The following KIF5C variants were observed in gnomAD, a reference collection of about 807,000 sequenced individuals.
The protein encoded by KIF5C is kinesin family member 5C.
A neutral mutation model predicts 125.2 loss-of-function variants in KIF5C; 18 were observed. The ratio of observed to expected loss-of-function variants is 0.14; its 90% CI spans 0.10 to 0.21. KIF5C has a LOEUF of 0.21. KIF5C is among the 10% of genes least tolerant of loss of function. The pLI, the probability that KIF5C is intolerant of heterozygous loss-of-function variation, is 1.00. For missense variants in KIF5C, 780 were observed against 1,183.8 expected, an observed-to-expected ratio of 0.66 and a Z score of 5.01; for synonymous variants, 405 against 434.0, an observed-to-expected ratio of 0.93 and a Z score of 0.83.
intron 10 of KIF5C, among the ~76,000 whole-genome samples, chr2:148,959,872 T>C (rs1351787735): frequency 6.6e-6 from 1 of 152,214 alleles, no homozygotes; most frequent in Admixed American, 6.5e-5. Context: ...TTGGGTTGGC[T>C]GTGTCCCTAC....
chr2:148,914,425 T>G (rs1158872783), intron 1 of KIF5C, among the ~76,000 whole-genome samples: 4 of 152,282 alleles, frequency 2.6e-5, no homozygotes, highest in African/African-American at 4.8e-5. Context: ...TTCTTCATTA[T>G]CACTCGGGCA....
At chr2:148,937,480 C>A in intron 4 of KIF5C, 92 bp downstream of exon 4, 2 of 1,449,542 alleles carry the variant, frequency 1.4e-6, no homozygotes, top group Non-Finnish European at 1.8e-6. Flanking sequence ...AAAAGATGAT[C>A]CTACTAATTT....
At chr2:149,001,956 C>T (rs1681863024) in intron 21 of KIF5C, among the ~76,000 whole-genome samples, 1 of 152,168 alleles carries the variant, frequency 6.6e-6, no homozygotes, top group Non-Finnish European at 1.5e-5. Flanking sequence ...TTTGTTGGAC[C>T]TCAAAGCCAG....
chr2:149,000,430 C>G lies in KIF5C; in HGVS notation c.2218C>G (p.Gln740Glu). The change falls in exon 20 of 26, where the codon CAG (glutamine) becomes GAG (glutamate). Residue 740 changes from glutamine (Q) to glutamate (E), a missense_variant. Coordinates refer to ENST00000435030, the MANE Select transcript of KIF5C (RefSeq NM_004522.3). ...TTTTCCTCTCAATTTCAGTTTGAAT[C>G]AGAAACTGCAACTGGAACAGGAGAA... is the stretch of plus-strand genomic sequence containing the variant. ...KIIDEIRDLN[Q>E]KLQLEQEKLS... 6.3e-7 allele frequency: 1 copy of G among 1,579,660 alleles called. No homozygotes were observed. The highest frequency in any genetic ancestry group is 8.6e-7 in the Non-Finnish European group (1 of 1,158,616).
intron 1 of KIF5C, among the ~76,000 whole-genome samples, chr2:148,887,784 T>C (rs1357053680): frequency 1.3e-5 from 2 of 152,046 alleles, no homozygotes; most frequent in Non-Finnish European, 2.9e-5. Context: ...TAGTACCCAG[T>C]AGGTAGTTTT....
At chr2:148,895,427 C>T (rs1162031848) in intron 1 of KIF5C, among the ~76,000 whole-genome samples, 3 of 152,114 alleles carry the variant, frequency 2.0e-5, no homozygotes, top group Non-Finnish European at 2.9e-5. Flanking sequence ...TGTGAGCCAC[C>T]GCACTTGGCC....
intron 1 of KIF5C, among the ~76,000 whole-genome samples, chr2:148,881,726 A>G (rs1681363522): frequency 6.9e-6 from 1 of 145,580 alleles, no homozygotes; most frequent in Non-Finnish European, 1.5e-5. Flanking sequence ...CCTCTAAATC[A>G]TCGTGGTGAT....
rs79639841 is a variant in KIF5C at position 148,959,155 on chromosome 2, T to C, written c.969-2816T>C. Reference sequence around the variant, plus strand: ...AGTTCCACTTCCCCTCAGTGCCATGTATTGAAAGGACTGCCCTTTCCACTC... The same window carrying C: ...AGTTCCACTTCCCCTCAGTGCCATGCATTGAAAGGACTGCCCTTTCCACTC... On this transcript the variant is annotated intron_variant, in intron 10 of 25. Transcript: ENST00000435030. Among the ~76,000 whole-genome samples, 1,065 of 152,340 alleles carry C rather than the reference T, an allele frequency of 7.0e-3. 17 individuals are homozygous for C. The highest frequency in any genetic ancestry group is 0.065 in the Middle Eastern group (19 of 294).
intron 20 of KIF5C, 55 bp downstream of exon 20, chr2:149,000,579 T>C: frequency 3.2e-6 from 5 of 1,555,956 alleles, no homozygotes; most frequent in Non-Finnish European, 4.4e-6. Context: ...GATATTCTGG[T>C]TAGATTGGGC....
intron 11 of KIF5C, among the ~76,000 whole-genome samples, chr2:148,969,284 T>C (rs1228660446): frequency 6.6e-6 from 1 of 152,212 alleles, no homozygotes; most frequent in Non-Finnish European, 1.5e-5. Flanking sequence ...TATTTTATAA[T>C]TAGAATGCTC....
chr2:149,001,466 T>G (rs533196462), intron 21 of KIF5C, among the ~76,000 whole-genome samples: 1 of 152,130 alleles, frequency 6.6e-6, no homozygotes, highest in Admixed American at 6.5e-5. Context: ...GGATATAAGG[T>G]GAGCACAGAG....
At chr2:148,888,282 C>T (rs1681608632) in intron 1 of KIF5C, 2 of 152,256 alleles carry the variant, frequency 1.3e-5, no homozygotes. Flanking sequence ...AAATCTGCCA[C>T]TTACCTTCTG....
intron 1 of KIF5C, among the ~76,000 whole-genome samples, chr2:148,885,143 G>C (rs942761131): frequency 6.6e-6 from 1 of 152,064 alleles, no homozygotes; most frequent in Non-Finnish European, 1.5e-5. Flanking sequence ...GTGCCATCAT[G>C]CTTGACTAAT....
At chr2:148,997,479 G>C (rs1324201016) in intron 18 of KIF5C, 139 bp downstream of exon 18, 4 of 1,470,000 alleles carry the variant, frequency 2.7e-6, no homozygotes, top group African/African-American at 1.4e-5. Context: ...TGGGCATTCA[G>C]AGTCGATCTC....
At chr2:148,896,608 G>A (rs1385062113) in intron 1 of KIF5C, among the ~76,000 whole-genome samples, 2 of 152,158 alleles carry the variant, frequency 1.3e-5, no homozygotes, top group African/African-American at 4.8e-5. Flanking sequence ...AGAATGAAAG[G>A]GAGGTAATTC....
At position 148,969,464 on chromosome 2, in the gene KIF5C, T is replaced by C. The variant is rs565237091; in HGVS notation, c.1118-3872T>C. On this transcript the variant is annotated intron_variant, in intron 11 of 25. Coordinates refer to ENST00000435030, the MANE Select transcript of KIF5C (RefSeq NM_004522.3). ...GTGTGTGTGTGTGTGTGTGTGTGTA[T>C]GTGTGTGGGGAGGCCTTTCAGATGC... is the stretch of plus-strand genomic sequence containing the variant. 1.3e-3 allele frequency among the ~76,000 whole-genome samples: 189 copies of C among 150,620 alleles called. 1 individual carries two copies. Among genetic ancestry groups the C allele is most frequent in the African/African-American group, 4.4e-3 (178 of 40,488 alleles).
chr2:148,964,492 G>A (rs1171860295), intron 11 of KIF5C, among the ~76,000 whole-genome samples: 1 of 152,156 alleles, frequency 6.6e-6, no homozygotes. Flanking sequence ...TCTTCCCTCA[G>A]GACGGTCTGA....
intron 17 of KIF5C, 122 bp downstream of exon 17, chr2:148,994,660 AAACCAT>A (rs1401374885): frequency 4.2e-6 from 5 of 1,186,798 alleles, no homozygotes; most frequent in Non-Finnish European, 4.5e-6. Flanking sequence ...ACTGCAAACA[AAACCAT>A]AACTAGAAAA....
At chr2:148,975,745 T>C (rs2105150279) in intron 12 of KIF5C, among the ~76,000 whole-genome samples, 1 of 152,342 alleles carries the variant, frequency 6.6e-6, no homozygotes, top group South Asian at 2.1e-4. Flanking sequence ...CCTGTAACAA[T>C]GACACTGAGA....
Sources: allele counts gnomAD v4.1 joint callset (sites outside exome capture counted in the v4.1 genomes callset), GRCh38; gene constraint gnomAD v4.1.1; transcripts MANE v1.5; gene names NCBI Gene and HGNC (gene_info 2026-07-23, HGNC 2026-07-21).